IL15: variants seen among roughly 807,000 people sequenced by gnomAD.
The protein encoded by IL15 is interleukin 15, also known as interleukin-15.
A neutral mutation model predicts 19.6 loss-of-function variants in IL15; 11 were observed. The observed-to-expected ratio is 0.56, with a 90% confidence interval of 0.35 to 0.93. The LOEUF (loss-of-function observed/expected upper bound fraction) is 0.93. Ranked by LOEUF, IL15 falls within the 40% of genes least tolerant of loss-of-function variation. The pLI is 0.01. For missense variants in IL15, 197 were observed against 186.5 expected, an observed-to-expected ratio of 1.06 and a Z score of -0.33; for synonymous variants, 58 against 59.6, an observed-to-expected ratio of 0.97 and a Z score of 0.12.
At chr4:141,687,245 G>C (rs992821064) in intron 2 of IL15, among the ~76,000 whole-genome samples, 2 of 152,208 alleles carry the variant, frequency 1.3e-5, no homozygotes, top group Non-Finnish European at 2.9e-5. Context: ...CTTTCTGTGA[G>C]AGATGAGGGG....
chr4:141,673,129 C>T (rs1728230058), intron 2 of IL15, among the ~76,000 whole-genome samples: 1 of 152,096 alleles, frequency 6.6e-6, no homozygotes, highest in South Asian at 2.1e-4. Context: ...TTGTAATGGG[C>T]AACTGATATT....
At chr4:141,678,154 A>C (rs554344163) in intron 2 of IL15, among the ~76,000 whole-genome samples, 1 of 152,170 alleles carries the variant, frequency 6.6e-6, no homozygotes, top group Non-Finnish European at 1.5e-5. Flanking sequence ...GGTCCTGTAA[A>C]ATAGGAGATC....
intron 2 of IL15, among the ~76,000 whole-genome samples, chr4:141,674,942 G>A (rs1417052804): frequency 1.3e-5 from 2 of 151,304 alleles, no homozygotes; most frequent in African/African-American, 4.8e-5. Context: ...GTTCTACTTG[G>A]GGTCTCTGAA....
chr4:141,671,609 C>T (rs952543550), intron 2 of IL15, among the ~76,000 whole-genome samples: 3 of 152,110 alleles, frequency 2.0e-5, no homozygotes, highest in African/African-American at 7.2e-5. Context: ...TTGTGTGAGC[C>T]GCTTTCATCA....
At chr4:141,704,955 A>G (rs1729457221) in intron 2 of IL15, among the ~76,000 whole-genome samples, 2 of 151,002 alleles carry the variant, frequency 1.3e-5, no homozygotes, top group African/African-American at 4.9e-5. Flanking sequence ...TATTTTATTT[A>G]TTTGAATCTC....
intron 2 of IL15, among the ~76,000 whole-genome samples, chr4:141,657,463 C>T (rs192332091): frequency 3.3e-5 from 5 of 151,944 alleles, no homozygotes; most frequent in African/African-American, 7.2e-5. Context: ...AAGAAACAAA[C>T]ATTTTCTTTA....
At chr4:141,685,158 C>T (rs1728669162) in intron 2 of IL15, among the ~76,000 whole-genome samples, 1 of 152,172 alleles carries the variant, frequency 6.6e-6, no homozygotes, top group African/African-American at 2.4e-5. Flanking sequence ...TTAATAGAGT[C>T]AGTATTCCAA....
chr4:141,711,163 A>C (rs1729705861), intron 2 of IL15, among the ~76,000 whole-genome samples: 1 of 152,162 alleles, frequency 6.6e-6, no homozygotes, highest in Non-Finnish European at 1.5e-5. Flanking sequence ...ATTATCTTAA[A>C]ATTGTATCTC....
chr4:141,687,529 T>C (rs949127067), intron 2 of IL15, among the ~76,000 whole-genome samples: 2 of 152,156 alleles, frequency 1.3e-5, no homozygotes, highest in Non-Finnish European at 2.9e-5. Context: ...ACTTCCTCAA[T>C]ATAGGCAGTG....
At chr4:141,711,359 G>T (rs1729712662) in intron 2 of IL15, among the ~76,000 whole-genome samples, 1 of 152,016 alleles carries the variant, frequency 6.6e-6, no homozygotes, top group Non-Finnish European at 1.5e-5. Context: ...TGAAATGTGG[G>T]GTAAAATTAG....
chr4:141,666,262 C>T (rs1727981418), intron 2 of IL15, among the ~76,000 whole-genome samples: 1 of 152,020 alleles, frequency 6.6e-6, no homozygotes, highest in Admixed American at 6.6e-5. Context: ...CACTAGGTCC[C>T]CGGGCGTGGT....
chr4:141,708,630 G>A (rs1422741194), intron 2 of IL15, among the ~76,000 whole-genome samples: 2 of 152,134 alleles, frequency 1.3e-5, no homozygotes, highest in African/African-American at 4.8e-5. Flanking sequence ...AAGTCTCCCT[G>A]ACTCTGAGCT....
chr4:141,705,359 G>A (rs1289633084), intron 2 of IL15, among the ~76,000 whole-genome samples: 1 of 151,576 alleles, frequency 6.6e-6, no homozygotes, highest in African/African-American at 2.4e-5. Context: ...AGAAAAAGTT[G>A]TTTAATTTCT....
intron 2 of IL15, among the ~76,000 whole-genome samples, chr4:141,698,521 A>G (rs527532657): frequency 1.1e-4 from 16 of 151,152 alleles, no homozygotes; most frequent in Non-Finnish European, 2.1e-4. Flanking sequence ...GCTGTTAGTT[A>G]TTGGTCTGCT....
intron 2 of IL15, among the ~76,000 whole-genome samples, chr4:141,682,680 G>A (rs955566599): frequency 6.6e-6 from 1 of 152,100 alleles, no homozygotes; most frequent in Non-Finnish European, 1.5e-5. Flanking sequence ...GTTGGGGAAC[G>A]ATGAGAGACA....
At chr4:141,724,290 T>A (rs565494252) in intron 5 of IL15, among the ~76,000 whole-genome samples, 2 of 151,926 alleles carry the variant, frequency 1.3e-5, no homozygotes, top group Admixed American at 6.6e-5. Flanking sequence ...ATACAGCATA[T>A]CAAGATATAT....
intron 2 of IL15, chr4:141,718,868 A>G (rs1729980095): frequency 6.6e-6 from 1 of 152,166 alleles, no homozygotes; most frequent in Non-Finnish European, 1.5e-5. Context: ...TAATCTTCAT[A>G]TTCTTCACTT....
intron 2 of IL15, among the ~76,000 whole-genome samples, chr4:141,692,825 G>A (rs1455115952): frequency 1.3e-5 from 2 of 151,646 alleles, no homozygotes; most frequent in Non-Finnish European, 2.9e-5. Context: ...CTTCTTCTGA[G>A]CCTCCAAACT....
intron 2 of IL15, among the ~76,000 whole-genome samples, chr4:141,711,792 T>C (rs1319195080): frequency 1.3e-5 from 2 of 152,144 alleles, no homozygotes; most frequent in Admixed American, 6.5e-5. Flanking sequence ...CTGTGGGTCT[T>C]ATATTTTCTA....
Sources: gnomAD v4.1 joint callset for allele counts (sites outside exome capture counted in the v4.1 genomes callset) on GRCh38, gnomAD v4.1.1 for gene constraint, MANE v1.5 for transcripts, NCBI Gene and HGNC (gene_info 2026-07-23, HGNC 2026-07-21) for gene names.